Variants in RASGRP1 observed in about 807,000 individuals in gnomAD.
RASGRP1 encodes the protein RAS guanyl-releasing protein 1.
In RASGRP1, 37 loss-of-function variants were observed where a neutral mutation model predicts 95.1. The ratio of observed to expected loss-of-function variants is 0.39; its 90% CI spans 0.30 to 0.51. The LOEUF is 0.51. Ranked by LOEUF, RASGRP1 falls within the 20% of genes least tolerant of loss-of-function variation. RASGRP1 has a pLI of 0.80. For synonymous variants in RASGRP1, 325 were observed against 353.4 expected, an observed-to-expected ratio of 0.92 and a Z score of 0.90; for missense variants, 711 against 965.4, an observed-to-expected ratio of 0.74 and a Z score of 3.49.
In RASGRP1 at chr15:38,505,914, G is replaced by A. The variant is rs1238504478; in HGVS notation, c.1249C>T (p.Leu417=). 29 of 1,608,792 alleles carry A rather than the reference G, an allele frequency of 1.8e-5. No individual in the cohort carries two copies. The highest frequency in any genetic ancestry group is 2.4e-5 in the Non-Finnish European group (28 of 1,177,016). The change falls in exon 10 of 17, where the codon CTG becomes TTG. Residue 417 remains leucine, a synonymous_variant. Transcript: ENST00000310803. ...KDLVHLLTLS[L]DLYYTEDEIY... ...TCATCCTCAGTGTAGTAAAGATCCA[G>A]GGATAACTGCAGATCAAAGCAGAAC... is the stretch of plus-strand genomic sequence containing the variant.
chr15:38,499,224 C>G, intron 14 of RASGRP1: 1 of 566,768 alleles, frequency 1.8e-6, no homozygotes, highest in Non-Finnish European at 3.3e-6. Flanking sequence ...CCCATACATT[C>G]TGCCTACTCT....
chr15:38,560,049 C>A, intron 1 of RASGRP1, 44 bp from the exon 2 acceptor site: 1 of 1,509,622 alleles, frequency 6.6e-7, no homozygotes, highest in Non-Finnish European at 9.1e-7. Context: ...CGGGCAGCTC[C>A]ACGCTCTGAA....
chr15:38,525,590 A>G (rs1386085255), intron 3 of RASGRP1, among the ~76,000 whole-genome samples: 1 of 152,188 alleles, frequency 6.6e-6, no homozygotes, highest in African/African-American at 2.4e-5. Flanking sequence ...GTGCTGTAAG[A>G]TGAAACGCGG....
intron 14 of RASGRP1, 68 bp downstream of exon 14, chr15:38,500,035 G>T: frequency 6.7e-7 from 1 of 1,503,134 alleles, no homozygotes; most frequent in Non-Finnish European, 9.2e-7. Flanking sequence ...CCAGTCTCAG[G>T]CAGTTCTCTA....
chr15:38,540,255 T>C (rs922719371), intron 2 of RASGRP1, among the ~76,000 whole-genome samples: 1 of 152,156 alleles, frequency 6.6e-6, no homozygotes, highest in South Asian at 2.1e-4. Context: ...TGGGAATCCT[T>C]CAAGAGTAAG....
intron 12 of RASGRP1, 62 bp from the exon 13 acceptor site, chr15:38,501,349 G>A (rs775280273): frequency 3.2e-6 from 5 of 1,572,566 alleles, no homozygotes; most frequent in African/African-American, 1.4e-5. Flanking sequence ...GGTAGCAAGG[G>A]GGGGCTTCTA....
chr15:38,494,554 C>A lies in RASGRP1; in HGVS notation c.2087G>T (p.Arg696Met). The A allele has an allele frequency of 6.3e-7, 1 of 1,581,864 alleles. No homozygotes were observed. The change falls in exon 16 of 17, where the codon AGG becomes ATG. Residue 696 changes from arginine (R) to methionine (M), a missense_variant. By Grantham distance (91) the Arg-to-Met change is moderately conservative (BLOSUM62 -1). Around this residue, in one of 3 missense-constraint regions of RASGRP1, gnomAD observed 212 missense variants for 247.8 expected, o/e 0.86. Transcript: ENST00000310803. ...PSGPFVLSSP[R>M]KTAQDTLYVL... ...ATATAGAGTATCCTGGGCTGTCTTCCTTGGGGAAGACAGCACAAAGGGACC... is the reference window on the plus strand; with the variant it reads ...ATATAGAGTATCCTGGGCTGTCTTCATTGGGGAAGACAGCACAAAGGGACC...
At chr15:38,512,423 G>T (rs989996677) in intron 7 of RASGRP1, among the ~76,000 whole-genome samples, 1 of 152,210 alleles carries the variant, frequency 6.6e-6, no homozygotes, top group Non-Finnish European at 1.5e-5. Flanking sequence ...GACAATCCAG[G>T]ATGGTCCAGC....
chr15:38,557,601 A>ATGTGTGTGTGTGTG (rs5812045), intron 2 of RASGRP1, among the ~76,000 whole-genome samples: 34 of 145,386 alleles, frequency 2.3e-4, no homozygotes, highest in South Asian at 1.3e-3. Context: ...TTGTATATAT[A>ATGTGTGTGTGTGTG]TGTGTGTGTG....
intron 15 of RASGRP1, among the ~76,000 whole-genome samples, chr15:38,496,863 A>G (rs1890811995): frequency 6.6e-6 from 1 of 152,224 alleles, no homozygotes; most frequent in African/African-American, 2.4e-5. Flanking sequence ...ATGCATGTGG[A>G]TATTTACCAC....
Position 38,564,165 on chromosome 15 carries a change from G to A in RASGRP1, c.35+429C>T, listed in dbSNP as rs1215023570. Among the ~76,000 whole-genome samples, 13 of 152,348 alleles carry A rather than the reference G, an allele frequency of 8.5e-5. No homozygotes were observed. The East Asian group carries it at 2.1e-3, about 25-fold the overall frequency. ...CGGGCTCCCTGCAAGCTCCTCGGCC[G>A]TTCTGGGCAGGGCCGGGAGGGGCCA... On this transcript the variant is annotated intron_variant, in intron 1 of 16. Coordinates refer to ENST00000310803, the MANE Select transcript of RASGRP1 (RefSeq NM_005739.4).
chr15:38,515,828 G>A (rs1305544754), intron 6 of RASGRP1, among the ~76,000 whole-genome samples: 2 of 141,200 alleles, frequency 1.4e-5, no homozygotes, highest in African/African-American at 5.2e-5. Context: ...AGTTGTTGAA[G>A]CCTAATGATT....
intron 2 of RASGRP1, among the ~76,000 whole-genome samples, chr15:38,543,169 G>A (rs920574457): frequency 6.6e-6 from 1 of 151,728 alleles, no homozygotes; most frequent in Admixed American, 6.6e-5. Context: ...TTACATTCAG[G>A]TTAACATTAT....
intron 3 of RASGRP1, among the ~76,000 whole-genome samples, chr15:38,525,552 C>T (rs570703850): frequency 1.3e-5 from 2 of 152,304 alleles, no homozygotes; most frequent in African/African-American, 4.8e-5. Context: ...AGAAGGGATT[C>T]AGTCCTGATG....
rs151044925 is a variant in RASGRP1, at chr15:38,500,982, G to A, written c.1683+161C>T. On this transcript the variant is annotated intron_variant, in intron 13 of 16. Coordinates refer to ENST00000310803, the MANE Select transcript of RASGRP1 (RefSeq NM_005739.4). ...AACAGGAAGAAGCGAGAGATGATGA[G>A]TGCAGGTAAAAACCACACGCTTGAG... Among the ~76,000 whole-genome samples the A allele has an allele frequency of 4.3e-3, 662 of 152,244 alleles. 3 individuals are homozygous for A. The highest frequency in any genetic ancestry group is 0.015 in the African/African-American group (633 of 41,536).
At chr15:38,490,836 T>C (rs1595811823) in intron 16 of RASGRP1, 148 bp from the exon 17 acceptor site, 1 of 845,074 alleles carries the variant, frequency 1.2e-6, no homozygotes, top group Non-Finnish European at 1.8e-6. Flanking sequence ...TTGCCCTGAA[T>C]AGAAAATAGC....
Position 38,491,345 on chromosome 15 carries a change from A to G in RASGRP1, c.2260-657T>C, listed in dbSNP as rs576491560. ...TTGTTTCTCAATCTGAATTATCTAC[A>G]TAGCTGTCTCAGCTGCCATATAATA... On this transcript the variant is annotated intron_variant, in intron 16 of 16. Transcript: ENST00000310803. Among the ~76,000 whole-genome samples, 15 of 152,282 alleles carry G rather than the reference A, an allele frequency of 9.9e-5. No individual in the cohort carries two copies. The South Asian group carries it at 3.1e-3, about 32-fold the overall frequency.
At chr15:38,560,091 G>C (rs529354261) in intron 1 of RASGRP1, 86 bp from the exon 2 acceptor site, 2 of 1,243,576 alleles carry the variant, frequency 1.6e-6, no homozygotes, top group Admixed American at 2.0e-5. Flanking sequence ...ATGGAGATAA[G>C]ACAATTAATC....
intron 6 of RASGRP1, among the ~76,000 whole-genome samples, chr15:38,514,159 G>C (rs971141996): frequency 6.6e-6 from 1 of 152,162 alleles, no homozygotes; most frequent in Non-Finnish European, 1.5e-5. Context: ...CCTTAGTTCT[G>C]CCTAAGTAGT....
Sources: allele counts gnomAD v4.1 joint callset (sites outside exome capture counted in the v4.1 genomes callset), GRCh38; gene constraint gnomAD v4.1.1; regional missense constraint gnomAD v4.1.1; transcripts MANE v1.5; gene names NCBI Gene and HGNC (gene_info 2026-07-23, HGNC 2026-07-21).